The following FCHSD2 variants were observed in gnomAD, a reference collection of about 807,000 sequenced individuals.
The protein encoded by FCHSD2 is FCH and double SH3 domains 2.
A neutral mutation model predicts 108.1 loss-of-function variants in FCHSD2; 38 were observed. The ratio of observed to expected loss-of-function variants is 0.35; its 90% CI spans 0.27 to 0.46. The LOEUF (loss-of-function observed/expected upper bound fraction) is 0.46. FCHSD2 is among the 20% of genes least tolerant of loss of function. The pLI is 1.00. For synonymous variants in FCHSD2, 279 were observed against 314.7 expected (o/e 0.89, Z 1.20); for missense variants, 751 against 897.8 (o/e 0.84, Z 2.09).
intron 2 of FCHSD2, among the ~76,000 whole-genome samples, chr11:73,101,944 T>A (rs1001553307): frequency 1.3e-5 from 2 of 152,156 alleles, no homozygotes; most frequent in Non-Finnish European, 1.5e-5. Context: ...GCTCACAAGA[T>A]TATGAAGGCT....
intron 8 of FCHSD2, among the ~76,000 whole-genome samples, chr11:72,958,577 A>G (rs1221355645): frequency 6.6e-6 from 1 of 152,146 alleles, no homozygotes; most frequent in African/African-American, 2.4e-5. Context: ...ATATGTAAAC[A>G]CCACGGAACA....
At chr11:72,844,243 T>C (rs974942290) in intron 14 of FCHSD2, among the ~76,000 whole-genome samples, 1 of 152,124 alleles carries the variant, frequency 6.6e-6, no homozygotes, top group African/African-American at 2.4e-5. Context: ...AGGGCTCCCA[T>C]GGACAAGCAT....
chr11:72,954,948 C>T (rs1226843869), intron 8 of FCHSD2, among the ~76,000 whole-genome samples: 1 of 152,116 alleles, frequency 6.6e-6, no homozygotes, highest in Admixed American at 6.5e-5. Context: ...TAGGAAAAAA[C>T]TGAAGTGCTT....
chr11:73,034,402 G>A lies in FCHSD2; in HGVS notation c.166-18517C>T, dbSNP rs537284682. ...TGGTAGCACACAAACATGCAAAAAC[G>A]TTCCTCTTCCTGAAAGAAGCAATTT... is the stretch of plus-strand genomic sequence containing the variant. On this transcript the variant is annotated intron_variant, in intron 3 of 19. Transcript: ENST00000409418. 5.3e-5 allele frequency among the ~76,000 whole-genome samples: 8 copies of A among 152,260 alleles called. No homozygotes were observed. In the East Asian group the frequency reaches 7.7e-4, roughly 15 times the overall value.
chr11:73,129,967 C>T (rs1274456680), intron 2 of FCHSD2, among the ~76,000 whole-genome samples: 1 of 150,610 alleles, frequency 6.6e-6, no homozygotes, highest in African/African-American at 2.4e-5. Flanking sequence ...CAAGCTCTGC[C>T]TCCCGGGTTC....
intron 3 of FCHSD2, among the ~76,000 whole-genome samples, chr11:73,048,635 G>C (rs548009223): frequency 6.6e-6 from 1 of 152,104 alleles, no homozygotes; most frequent in Non-Finnish European, 1.5e-5. Flanking sequence ...AGTAAGTGCC[G>C]GAAGTACGAA....
intron 8 of FCHSD2, among the ~76,000 whole-genome samples, chr11:72,935,468 C>T (rs1317364774): frequency 6.6e-6 from 1 of 152,158 alleles, no homozygotes; most frequent in Non-Finnish European, 1.5e-5. Flanking sequence ...ATATAAATAT[C>T]AAGATGATGA....
intron 8 of FCHSD2, among the ~76,000 whole-genome samples, chr11:72,954,041 C>T (rs2135361467): frequency 6.6e-6 from 1 of 152,032 alleles, no homozygotes. Context: ...CATAATCTGA[C>T]TTAGGTTATA....
At chr11:73,062,503 G>A (rs553577884) in intron 3 of FCHSD2, among the ~76,000 whole-genome samples, 2 of 152,284 alleles carry the variant, frequency 1.3e-5, no homozygotes, top group Non-Finnish European at 2.9e-5. Flanking sequence ...AGCTAAAGGA[G>A]CATGTTCTAA....
intron 3 of FCHSD2, among the ~76,000 whole-genome samples, chr11:73,065,761 A>G (rs555008867): frequency 3.3e-5 from 5 of 152,314 alleles, no homozygotes; most frequent in African/African-American, 1.2e-4. Flanking sequence ...CAATCGCTAC[A>G]AAGATAATAA....
chr11:73,065,649 T>A (rs1485728338), intron 3 of FCHSD2, among the ~76,000 whole-genome samples: 1 of 152,212 alleles, frequency 6.6e-6, no homozygotes, highest in African/African-American at 2.4e-5. Flanking sequence ...GATAAGCAAC[T>A]TCAGCAAAGT....
chr11:72,932,903 CCTATA>C (rs1235451046), intron 8 of FCHSD2, among the ~76,000 whole-genome samples: 1 of 152,066 alleles, frequency 6.6e-6, no homozygotes, highest in African/African-American at 2.4e-5. Flanking sequence ...AATGAATAAA[CCTATA>C]CTTGAGCCCC....
chr11:72,913,915 A>G (rs1164842488), intron 9 of FCHSD2, among the ~76,000 whole-genome samples: 1 of 152,114 alleles, frequency 6.6e-6, no homozygotes, highest in African/African-American at 2.4e-5. Flanking sequence ...ACTGCTGCTC[A>G]AATAAATTAG....
Position 73,071,341 on chromosome 11 carries a change from C to G in FCHSD2, c.165+12354G>C, listed in dbSNP as rs75817245. 4.5e-3 allele frequency among the ~76,000 whole-genome samples: 682 copies of G among 152,082 alleles called. 1 individual carries two copies. Among genetic ancestry groups the G allele is most frequent in the African/African-American group, 0.016 (661 of 41,498 alleles). On this transcript the variant is annotated intron_variant, in intron 3 of 19. Transcript: ENST00000409418. ...TTCCCAAAAAGCATGATTTCCAACC[C>G]CACCACCAACTTTGGTCATCTTTTG...
At chr11:73,132,223 TC>T (rs1245404008) in intron 2 of FCHSD2, among the ~76,000 whole-genome samples, 1 of 152,228 alleles carries the variant, frequency 6.6e-6, no homozygotes, top group Non-Finnish European at 1.5e-5. Flanking sequence ...CACGATAACT[TC>T]CTTTTGTACC....
intron 14 of FCHSD2, among the ~76,000 whole-genome samples, chr11:72,848,555 T>C (rs1040457519): frequency 7.2e-5 from 11 of 152,246 alleles, no homozygotes; most frequent in African/African-American, 2.7e-4. Context: ...CCTTCATAGA[T>C]TGTCCATTCC....
Position 72,985,081 on chromosome 11 carries a change from A to G in FCHSD2, c.557T>C (p.Leu186Ser). ...KLSLFQSRISLQKASVKLKAR... is the reference protein window; with the variant it reads ...KLSLFQSRISSQKASVKLKAR... The stretch of plus-strand genomic sequence containing the variant: ...ACTTACCTTTACACTTGCCTTCTGT[A>G]AACTGATTCTTGATTGAAAAAGACT... The change falls in exon 7 of 20, where the codon TTA becomes TCA. Residue 186 changes from leucine (L) to serine (S), a missense_variant. Transcript: ENST00000409418. The G allele has an allele frequency of 1.6e-6, 2 of 1,271,286 alleles. No homozygotes were observed. The highest frequency in any genetic ancestry group is 2.2e-6 in the Non-Finnish European group (2 of 895,180). The allele number at this position is 1,271,286 out of a possible 1,614,324, so 78.8% of individuals were successfully genotyped here.
In FCHSD2 at chr11:72,934,110, G is replaced by GAAAA. The variant is rs375464183; in HGVS notation, c.706-12164_706-12161dup. ...GGCAACAGAGTAAGACACTGTCTCA[G>GAAAA]AAAAAAAAAAAAAAAAAAAAAAAAG... On this transcript the variant is annotated intron_variant, in intron 8 of 19. Transcript: ENST00000409418. 2.9e-3 allele frequency among the ~76,000 whole-genome samples: 146 copies of GAAAA among 50,646 alleles called. 2 individuals are homozygous for GAAAA. The highest frequency in any genetic ancestry group is 4.0e-3 in the African/African-American group (47 of 11,760). 33.2% of individuals were successfully genotyped at this position (50,646 alleles called of 152,430 possible). A position where few individuals can be genotyped will look rare whatever the true frequency, so the allele number is the denominator to read the frequency against.
chr11:73,048,434 G>A (rs1858818184), intron 3 of FCHSD2, among the ~76,000 whole-genome samples: 1 of 152,154 alleles, frequency 6.6e-6, no homozygotes, highest in South Asian at 2.1e-4. Flanking sequence ...AGCTATTGCT[G>A]AATCAATACT....
Sources: allele counts gnomAD v4.1 joint callset (sites outside exome capture counted in the v4.1 genomes callset), GRCh38; gene constraint gnomAD v4.1.1; transcripts MANE v1.5; gene names NCBI Gene and HGNC (gene_info 2026-07-23, HGNC 2026-07-21).